CALCR: variants seen among roughly 807,000 people sequenced by gnomAD.
CALCR encodes the protein calcitonin receptor.
Under a neutral mutation model 59.5 loss-of-function variants are expected in CALCR, and 47 were observed. The ratio of observed to expected loss-of-function variants is 0.79; its 90% CI spans 0.63 to 1.01. The LOEUF is 1.01. Ranked by LOEUF, CALCR falls within the 50% of genes least tolerant of loss-of-function variation. The pLI, the probability that CALCR is intolerant of heterozygous loss-of-function variation, is 0.00. For synonymous variants in CALCR, 213 were observed against 211.3 expected, an observed-to-expected ratio of 1.01 and a Z score of -0.07; for missense variants, 566 against 597.1, an observed-to-expected ratio of 0.95 and a Z score of 0.54.
At chr7:93,475,072 TA>T (rs1192383155) in intron 5 of CALCR, among the ~76,000 whole-genome samples, 2 of 151,718 alleles carry the variant, frequency 1.3e-5, no homozygotes, top group East Asian at 3.9e-4. Flanking sequence ...TAAGAGCTAG[TA>T]AAAAAATCCT....
chr7:93,473,857 T>C (rs868739585), intron 5 of CALCR, among the ~76,000 whole-genome samples: 2 of 151,856 alleles, frequency 1.3e-5, no homozygotes, highest in South Asian at 2.1e-4. Flanking sequence ...ATATATTCAG[T>C]GCTGGTTACA....
chr7:93,468,444 T>C (rs1800483892), intron 7 of CALCR, among the ~76,000 whole-genome samples: 1 of 151,812 alleles, frequency 6.6e-6, no homozygotes, highest in Admixed American at 6.6e-5. Flanking sequence ...TACAACAGTA[T>C]ACTTATGGAT....
chr7:93,509,677 T>A (rs1801502569), intron 2 of CALCR, among the ~76,000 whole-genome samples: 1 of 152,180 alleles, frequency 6.6e-6, no homozygotes, highest in African/African-American at 2.4e-5. Context: ...ATTTACTCAA[T>A]AAAATCATTC....
At chr7:93,460,564 A>T (rs1383484111) in intron 8 of CALCR, among the ~76,000 whole-genome samples, 236 of 85,192 alleles carry the variant, frequency 2.8e-3, no homozygotes, top group African/African-American at 0.021. Flanking sequence ...TAAAAAAAAA[A>T]AAAAAAAAAT....
At chr7:93,524,403 C>G (rs966064287) in intron 2 of CALCR, among the ~76,000 whole-genome samples, 54 of 152,052 alleles carry the variant, frequency 3.6e-4, no homozygotes, top group Non-Finnish European at 2.8e-4. Flanking sequence ...ATCTCCTGAC[C>G]TCGTGATCCG....
At chr7:93,478,076 C>G (rs931715941) in intron 4 of CALCR, among the ~76,000 whole-genome samples, 2 of 148,042 alleles carry the variant, frequency 1.4e-5, no homozygotes, top group Admixed American at 6.9e-5. Context: ...AGAAAGCTCT[C>G]AAAAATTATT....
chr7:93,479,142 G>A (rs1478348385), intron 4 of CALCR, among the ~76,000 whole-genome samples: 1 of 151,750 alleles, frequency 6.6e-6, no homozygotes, highest in Non-Finnish European at 1.5e-5. Context: ...TTTATCATGA[G>A]GGCAGATGTT....
At chr7:93,539,210 C>G (rs1209181810) in intron 2 of CALCR, among the ~76,000 whole-genome samples, 1 of 152,088 alleles carries the variant, frequency 6.6e-6, no homozygotes, top group Non-Finnish European at 1.5e-5. Flanking sequence ...AAATCAAAGG[C>G]CCATCTCTCC....
chr7:93,426,730 C>A, intron 13 of CALCR, 141 bp from the exon 14 acceptor site: 1 of 523,236 alleles, frequency 1.9e-6, no homozygotes, highest in Non-Finnish European at 3.4e-6. Flanking sequence ...GCTGTGTATG[C>A]TGTGGCCACA....
intron 2 of CALCR, among the ~76,000 whole-genome samples, chr7:93,567,144 A>G (rs1789882153): frequency 6.6e-6 from 1 of 152,194 alleles, no homozygotes; most frequent in South Asian, 2.1e-4. Flanking sequence ...AAGAAAACCA[A>G]CTCAAACCCA....
chr7:93,435,913 A>T (rs1163241018), intron 12 of CALCR, 39 bp downstream of exon 12: 1 of 1,111,148 alleles, frequency 9.0e-7, no homozygotes, highest in South Asian at 1.3e-5. Flanking sequence ...TAGCTGAATA[A>T]GCACAGTAGT....
At chr7:93,521,060 C>T (rs1584603505) in intron 2 of CALCR, among the ~76,000 whole-genome samples, 2 of 152,098 alleles carry the variant, frequency 1.3e-5, no homozygotes, top group African/African-American at 4.8e-5. Context: ...CTATGTTTCA[C>T]AGCCAGTGAA....
chr7:93,469,612 A>C (rs1800512472), intron 6 of CALCR, among the ~76,000 whole-genome samples: 1 of 150,802 alleles, frequency 6.6e-6, no homozygotes, highest in Non-Finnish European at 1.5e-5. Context: ...CTATTTTGAC[A>C]CTAGCTTTTG....
intron 7 of CALCR, among the ~76,000 whole-genome samples, chr7:93,462,414 G>A (rs189920174): frequency 6.6e-6 from 1 of 151,976 alleles, no homozygotes; most frequent in Non-Finnish European, 1.5e-5. Context: ...TAGCACTAAA[G>A]GTAGGTTGCA....
chr7:93,468,605 C>T lies in CALCR; in HGVS notation c.521+110G>A, dbSNP rs947079307. 4.6e-5 allele frequency: 29 copies of T among 630,550 alleles called. No individual in the cohort carries two copies. The East Asian group carries it at 5.1e-4, about 11-fold the overall frequency. The allele number at this position is 630,550 out of a possible 1,614,324, so 39.1% of individuals were successfully genotyped here. Reference sequence around the variant, plus strand: ...CTTCATGACTCCTAATGTTGCATGTCGCTTGTAATTTGCTGAAGACCCTTC... The same window carrying T: ...CTTCATGACTCCTAATGTTGCATGTTGCTTGTAATTTGCTGAAGACCCTTC... On this transcript the variant is annotated intron_variant, in intron 7 of 13. Coordinates refer to ENST00000426151, the MANE Select transcript of CALCR (RefSeq NM_001742.4).
chr7:93,499,461 A>G (rs1042458068), intron 2 of CALCR, among the ~76,000 whole-genome samples: 6 of 151,844 alleles, frequency 4.0e-5, no homozygotes, highest in African/African-American at 1.4e-4. Flanking sequence ...ATTTACCAAT[A>G]TTAATGTGCA....
At chr7:93,557,275 T>A (rs1475043916) in intron 2 of CALCR, among the ~76,000 whole-genome samples, 3 of 151,816 alleles carry the variant, frequency 2.0e-5, no homozygotes, top group African/African-American at 7.2e-5. Context: ...CTTTAAAAAA[T>A]TTAAAAATTG....
Position 93,438,070 on chromosome 7 carries a change from G to T in CALCR, c.920C>A (p.Ala307Glu), listed in dbSNP as rs527875590. 1.6e-5 allele frequency: 26 copies of T among 1,613,136 alleles called. No homozygotes were observed. The highest frequency in any genetic ancestry group is 2.1e-5 in the Non-Finnish European group (25 of 1,179,254). ...AAAACTAATTCTCACCACAAGTGCC[G>T]CCATGACAGGTCCATGGATTATGTA... ...LLYIIHGPVM[A>E]ALVVNFFFLL... The change falls in exon 11 of 14, where the codon GCG (alanine) becomes GAG (glutamate). Residue 307 changes from alanine to glutamate, a missense_variant. Coordinates refer to ENST00000426151, the MANE Select transcript of CALCR (RefSeq NM_001742.4).
chr7:93,522,473 G>T (rs1168993225), intron 2 of CALCR, among the ~76,000 whole-genome samples: 2 of 152,062 alleles, frequency 1.3e-5, no homozygotes, highest in Non-Finnish European at 2.9e-5. Context: ...GTGTGTTCAC[G>T]TACCTACCTG....
Sources: gnomAD v4.1 joint callset for allele counts (sites outside exome capture counted in the v4.1 genomes callset) on GRCh38, gnomAD v4.1.1 for gene constraint, MANE v1.5 for transcripts, NCBI Gene and HGNC (gene_info 2026-07-23, HGNC 2026-07-21) for gene names.